Variants in STK32B observed in about 807,000 individuals in gnomAD.
STK32B encodes serine/threonine kinase 32B.
Under a neutral mutation model 52.6 loss-of-function variants are expected in STK32B, and 43 were observed. The observed-to-expected ratio is 0.82, with a 90% CI of 0.64 to 1.05. The LOEUF (loss-of-function observed/expected upper bound fraction) is 1.05. Ranked by LOEUF, STK32B falls within the 50% of genes least tolerant of loss-of-function variation. STK32B has a pLI of 0.00. For missense variants in STK32B, 621 were observed against 534.6 expected (o/e 1.16, Z -1.59); for synonymous variants, 238 against 204.3 (o/e 1.17, Z -1.41).
At chr4:5,461,200 G>A (rs1343824295) in intron 9 of STK32B, among the ~76,000 whole-genome samples, 4 of 152,146 alleles carry the variant, frequency 2.6e-5, no homozygotes, top group Admixed American at 6.6e-5. Context: ...CACCCCACCC[G>A]CTCACCTGTC....
intron 1 of STK32B, among the ~76,000 whole-genome samples, chr4:5,093,497 G>C (rs1264345509): frequency 6.6e-6 from 1 of 152,004 alleles, no homozygotes; most frequent in East Asian, 1.9e-4. Flanking sequence ...TCACTCATAG[G>C]TGGGAATTGA....
At chr4:5,140,392 A>G in intron 2 of STK32B, 5 of 966,560 alleles carry the variant, frequency 5.2e-6, no homozygotes, top group Non-Finnish European at 6.6e-6. Context: ...TTAGAAAACA[A>G]AAATACTCCC....
intron 3 of STK32B, among the ~76,000 whole-genome samples, chr4:5,313,605 C>G (rs11727725): frequency 4.1e-5 from 5 of 121,748 alleles, no homozygotes; most frequent in Non-Finnish European, 7.6e-5. Flanking sequence ...CATTAAAAAA[C>G]AAAGAATTTA....
intron 3 of STK32B, among the ~76,000 whole-genome samples, chr4:5,309,375 GA>G (rs57119309): frequency 0.11 from 16,678 of 149,224 alleles, 1,107 homozygotes; most frequent in African/African-American, 0.19. Flanking sequence ...CACAGAAATA[GA>G]AAAAAAAAAT....
chr4:5,150,224 T>G (rs1309684987), intron 2 of STK32B, among the ~76,000 whole-genome samples: 2 of 152,108 alleles, frequency 1.3e-5, no homozygotes, highest in Non-Finnish European at 2.9e-5. Flanking sequence ...AAAAATAGTT[T>G]TTCTTGCTTT....
chr4:5,262,163 C>A (rs559847285), intron 3 of STK32B, among the ~76,000 whole-genome samples: 1 of 152,292 alleles, frequency 6.6e-6, no homozygotes, highest in South Asian at 2.1e-4. Context: ...ACTGGACTCT[C>A]TTGGAGCCAA....
At chr4:5,130,159 C>T (rs1374589752) in intron 1 of STK32B, among the ~76,000 whole-genome samples, 1 of 147,866 alleles carries the variant, frequency 6.8e-6, no homozygotes, top group African/African-American at 2.5e-5. Context: ...GAAGACCTCT[C>T]ACCTTCTCCG....
chr4:5,059,937 A>G (rs1405415466), intron 1 of STK32B, among the ~76,000 whole-genome samples: 1 of 152,202 alleles, frequency 6.6e-6, no homozygotes, highest in Non-Finnish European at 1.5e-5. Flanking sequence ...GAAGTATACC[A>G]AACTTTGGGA....
At chr4:5,449,348 T>G (rs890870389) in intron 7 of STK32B, among the ~76,000 whole-genome samples, 1 of 152,114 alleles carries the variant, frequency 6.6e-6, no homozygotes, top group Non-Finnish European at 1.5e-5. Flanking sequence ...CTGTCTCACA[T>G]AAAAAGGTTA....
At chr4:5,179,122 A>G (rs1317088246) in intron 3 of STK32B, among the ~76,000 whole-genome samples, 4 of 152,262 alleles carry the variant, frequency 2.6e-5, no homozygotes, top group Non-Finnish European at 4.4e-5. Context: ...GAAACTTACA[A>G]TCATTGCAGA....
chr4:5,453,762 G>A lies in STK32B; in HGVS notation c.667-3045G>A, dbSNP rs548689196. ...CTACTAAAAATAAAAAAGATTAGTG[G>A]GGCATGGTGACGCGTGCCTGTAATC... On this transcript the variant is annotated intron_variant, in intron 7 of 11. Coordinates refer to ENST00000282908, the MANE Select transcript of STK32B (RefSeq NM_018401.3). The surrounding 1 kb of genome is among the most constrained non-coding windows in gnomAD (Gnocchi z 4.0). 6.6e-4 allele frequency among the ~76,000 whole-genome samples: 90 copies of A among 135,856 alleles called. No homozygotes were observed. Among genetic ancestry groups the A allele is most frequent in the African/African-American group, 2.7e-3 (83 of 30,924 alleles). 89.1% of individuals were successfully genotyped at this position (135,856 alleles called of 152,430 possible). A position where few individuals can be genotyped will look rare whatever the true frequency, so the allele number is the denominator to read the frequency against.
intron 3 of STK32B, among the ~76,000 whole-genome samples, chr4:5,186,747 C>T (rs941058066): frequency 4.6e-5 from 7 of 152,188 alleles, no homozygotes; most frequent in Admixed American, 4.6e-4. Flanking sequence ...CATGGTAACA[C>T]CCATAAATAG....
At chr4:5,370,815 TA>T (rs1003454780) in intron 4 of STK32B, among the ~76,000 whole-genome samples, 11 of 151,260 alleles carry the variant, frequency 7.3e-5, no homozygotes, top group Non-Finnish European at 1.3e-4. Flanking sequence ...AAAATAAAAA[TA>T]AAAAAAATTA....
intron 6 of STK32B, among the ~76,000 whole-genome samples, chr4:5,440,206 T>A (rs912962140): frequency 2.0e-5 from 3 of 152,200 alleles, no homozygotes; most frequent in Admixed American, 2.0e-4. Flanking sequence ...GTATGGCCAT[T>A]TTCACGATAT....
intron 3 of STK32B, among the ~76,000 whole-genome samples, chr4:5,244,724 A>G (rs571503123): frequency 2.1e-3 from 312 of 152,172 alleles, no homozygotes; most frequent in African/African-American, 7.1e-3. Context: ...ACTGCTATAA[A>G]TTTCCCTCTA....
At chr4:5,200,705 C>T (rs1042372324) in intron 3 of STK32B, among the ~76,000 whole-genome samples, 4 of 152,126 alleles carry the variant, frequency 2.6e-5, no homozygotes, top group African/African-American at 9.7e-5. Context: ...GATCCAGGGA[C>T]CCAGATGTAG....
At chr4:5,318,053 G>A (rs78619552) in intron 3 of STK32B, among the ~76,000 whole-genome samples, 10,420 of 152,154 alleles carry the variant, frequency 0.068, 394 homozygotes, top group South Asian at 0.098. Flanking sequence ...AGAACCACTG[G>A]TAGAGAAAGT....
chr4:5,130,967 C>T lies in STK32B; in HGVS notation c.53-8938C>T, dbSNP rs572897702. 5.3e-5 allele frequency among the ~76,000 whole-genome samples: 8 copies of T among 152,276 alleles called. No homozygotes were observed. The South Asian group carries it at 1.7e-3, about 32-fold the overall frequency. ...GCTTTTCAAAACTTTCCCTGATGGT[C>T]CCAAGAGGATGGAGTGGATTCTTCT... is the stretch of plus-strand genomic sequence containing the variant. On this transcript the variant is annotated intron_variant, in intron 1 of 11. Coordinates refer to ENST00000282908, the MANE Select transcript of STK32B (RefSeq NM_018401.3).
chr4:5,446,594 T>C, intron 6 of STK32B, 79 bp from the exon 7 acceptor site: 1 of 1,141,808 alleles, frequency 8.8e-7, no homozygotes, highest in Non-Finnish European at 1.3e-6. Flanking sequence ...GCTCAATTTC[T>C]CTCCTTGTCC....
Sources: gnomAD v4.1 joint callset for allele counts (sites outside exome capture counted in the v4.1 genomes callset) on GRCh38, gnomAD v4.1.1 for gene constraint, Gnocchi (gnomAD v3.1) non-coding constraint, MANE v1.5 for transcripts, NCBI Gene and HGNC (gene_info 2026-07-23, HGNC 2026-07-21) for gene names.